The following ABCB11 variants were observed in gnomAD, a reference collection of about 807,000 sequenced individuals.
ABCB11 encodes bile salt export pump.
In ABCB11, 95 loss-of-function variants were observed where a neutral mutation model predicts 148.0. That is an observed-to-expected ratio of 0.64 (90% CI 0.54 to 0.76). The LOEUF (loss-of-function observed/expected upper bound fraction) is 0.76, where lower values mean the gene tolerates loss of function less well. Ranked by LOEUF, ABCB11 falls within the 30% of genes least tolerant of loss-of-function variation. ABCB11 has a pLI of 0.00. For missense variants in ABCB11, 1,523 were observed against 1,617.8 expected, an observed-to-expected ratio of 0.94 and a Z score of 1.01; for synonymous variants, 591 against 555.4, an observed-to-expected ratio of 1.06 and a Z score of -0.90.
intron 3 of ABCB11, among the ~76,000 whole-genome samples, chr2:169,015,682 A>T (rs1438850362): frequency 6.6e-6 from 1 of 151,976 alleles, no homozygotes; most frequent in African/African-American, 2.4e-5. Context: ...CCCCCCACGC[A>T]CCATTTCATA....
At chr2:168,934,074 G>A (rs1268046436) in intron 23 of ABCB11, among the ~76,000 whole-genome samples, 1 of 148,176 alleles carries the variant, frequency 6.7e-6, no homozygotes, top group Non-Finnish European at 1.5e-5. Context: ...TTTACATGTT[G>A]GCAAAAAAAT....
At chr2:168,931,391 G>C (rs137874479) in intron 24 of ABCB11, among the ~76,000 whole-genome samples, 5 of 152,128 alleles carry the variant, frequency 3.3e-5, no homozygotes, top group African/African-American at 1.2e-4. Flanking sequence ...TACATTTACT[G>C]AACTGAAGGA....
chr2:168,934,242 G>A (rs781255960), intron 23 of ABCB11, among the ~76,000 whole-genome samples: 1 of 152,078 alleles, frequency 6.6e-6, no homozygotes, highest in Non-Finnish European at 1.5e-5. Context: ...TCCTAGCTGG[G>A]TGGGTGTAGT....
chr2:168,985,120 A>T lies in ABCB11; in HGVS notation c.1083+990T>A, dbSNP rs544799147. 1.2e-4 allele frequency among the ~76,000 whole-genome samples: 18 copies of T among 152,078 alleles called. No individual in the cohort carries two copies. The East Asian group carries it at 3.1e-3, about 26-fold the overall frequency. Reference sequence around the variant, plus strand: ...AGACAATTCTCAGAAGAAGATACACAAATGGCCAACAAACATATGAAAAAA... The same window carrying T: ...AGACAATTCTCAGAAGAAGATACACTAATGGCCAACAAACATATGAAAAAA... On this transcript the variant is annotated intron_variant, in intron 10 of 27. Coordinates refer to ENST00000650372, the MANE Select transcript of ABCB11 (RefSeq NM_003742.4).
chr2:168,979,533 G>A (rs1694054359), intron 11 of ABCB11, among the ~76,000 whole-genome samples: 1 of 151,826 alleles, frequency 6.6e-6, no homozygotes, highest in Non-Finnish European at 1.5e-5. Context: ...AAAGAACAGG[G>A]GTCTTACTTG....
At position 168,924,670 on chromosome 2, in the gene ABCB11, G is replaced by T. The variant is rs776253248; in HGVS notation, c.3752C>A (p.Thr1251Lys). The part of the protein sequence containing the change: ...LLDEATSALD[T>K]ESEKTVQVAL... The stretch of plus-strand genomic sequence containing the variant: ...TTCAACACTTACCTTTTCACTTTCT[G>T]TGTCTAAGGCAGAAGTGGCTTCATC... The change falls in exon 27 of 28, where the codon ACA (threonine) becomes AAA (lysine). Residue 1251 changes from threonine to lysine, a missense_variant. Transcript: ENST00000650372. 6.2e-7 allele frequency: 1 copy of T among 1,612,936 alleles called. No individual in the cohort carries two copies. Among genetic ancestry groups the T allele is most frequent in the Non-Finnish European group, 8.5e-7 (1 of 1,179,624 alleles).
chr2:168,941,861 CAT>C lies in ABCB11; in HGVS notation c.2610+2742_2610+2743del. On this transcript the variant is annotated intron_variant, in intron 21 of 27. Transcript: ENST00000650372. ...GATATGTACATTGTTTATTTTTAGA[CAT>C]AAAGCTATTGCATAGTTAGTAGAAT... 2.0e-5 allele frequency among the ~76,000 whole-genome samples: 3 copies of C among 152,042 alleles called. No individual in the cohort carries two copies. In the Middle Eastern group the frequency reaches 0.01, roughly 517 times the overall value.
chr2:168,951,189 C>A (rs1692551853), intron 19 of ABCB11, among the ~76,000 whole-genome samples: 1 of 151,540 alleles, frequency 6.6e-6, no homozygotes, highest in South Asian at 2.1e-4. Flanking sequence ...AATATGATAC[C>A]TTTAGCTTTG....
At chr2:168,945,247 T>C (rs1692251910) in intron 19 of ABCB11, among the ~76,000 whole-genome samples, 1 of 151,846 alleles carries the variant, frequency 6.6e-6, no homozygotes, top group Non-Finnish European at 1.5e-5. Flanking sequence ...TCTCTGTACC[T>C]TCCTCTAATT....
intron 21 of ABCB11, among the ~76,000 whole-genome samples, chr2:168,936,901 T>C (rs535972359): frequency 6.6e-6 from 1 of 152,334 alleles, no homozygotes; most frequent in African/African-American, 2.4e-5. Context: ...TATTTTATTT[T>C]ATTTTGAGAC....
At chr2:168,918,449 A>G (rs502570), downstream of ABCB11, among the ~76,000 whole-genome samples, 113,424 of 152,144 alleles carry the variant, frequency 0.75, 43,221 homozygotes, top group East Asian at 0.95. Context: ...ACAAGCACAC[A>G]CCAAACACAG....
chr2:169,007,854 TGAGA>T (rs1695069734), intron 5 of ABCB11, among the ~76,000 whole-genome samples: 1 of 152,162 alleles, frequency 6.6e-6, no homozygotes, highest in Non-Finnish European at 1.5e-5. Context: ...ACCCAAAGAA[TGAGA>T]GAAATTGCTT....
intron 18 of ABCB11, among the ~76,000 whole-genome samples, chr2:168,963,018 T>C (rs1277770993): frequency 6.6e-6 from 1 of 151,768 alleles, no homozygotes; most frequent in Non-Finnish European, 1.5e-5. Flanking sequence ...CATACGGTCA[T>C]AAAGAGTACT....
At chr2:169,006,205 G>A (rs1002336306) in intron 5 of ABCB11, among the ~76,000 whole-genome samples, 1 of 152,126 alleles carries the variant, frequency 6.6e-6, no homozygotes, top group African/African-American at 2.4e-5. Context: ...TTATTACCTG[G>A]TGGGATTTAT....
Position 168,935,283 on chromosome 2 carries a change from G to A in ABCB11, c.2957C>T (p.Ala986Val). Residue 986 changes from alanine (A) to valine (V), a missense_variant, in exon 23 of 28, where the codon GCC becomes GTC. By Grantham distance (64) the Ala-to-Val change is moderately conservative (BLOSUM62 0). Transcript: ENST00000650372. Reference sequence around the variant, plus strand: ...AATAAACATGATGCACTGGGCAAAGGCAAAGCAGAATCCGTAAATATTGGC... The same window carrying A: ...AATAAACATGATGCACTGGGCAAAGACAAAGCAGAATCCGTAAATATTGGC... ...QKANIYGFCF[A>V]FAQCIMFIAN... The A allele has an allele frequency of 6.2e-7, 1 of 1,614,008 alleles. No individual in the cohort carries two copies. Among genetic ancestry groups the A allele is most frequent in the Non-Finnish European group, 8.5e-7 (1 of 1,179,894 alleles).
chr2:169,017,862 G>A, intron 2 of ABCB11, 188 bp downstream of exon 2: 1 of 758,256 alleles, frequency 1.3e-6, no homozygotes, highest in East Asian at 2.5e-5. Context: ...TTCTTACCTA[G>A]TGCTTTCAGA....
chr2:168,919,695 A>G (rs2105868190), downstream of ABCB11, among the ~76,000 whole-genome samples: 1 of 152,066 alleles, frequency 6.6e-6, no homozygotes, highest in African/African-American at 2.4e-5. Flanking sequence ...TGAGACCTGC[A>G]TGACTGAGAA....
intron 1 of ABCB11, among the ~76,000 whole-genome samples, chr2:169,021,151 T>C (rs977170614): frequency 6.6e-6 from 1 of 151,924 alleles, no homozygotes; most frequent in Non-Finnish European, 1.5e-5. Flanking sequence ...TTAGTAGAGA[T>C]GGAGTTTCAC....
At chr2:168,932,944 C>T (rs1293756044) in intron 23 of ABCB11, among the ~76,000 whole-genome samples, 5 of 151,990 alleles carry the variant, frequency 3.3e-5, no homozygotes, top group South Asian at 2.1e-4. Context: ...CCCGTCTCTA[C>T]TAAAAATACA....
Sources: gnomAD v4.1 joint callset for allele counts (sites outside exome capture counted in the v4.1 genomes callset) on GRCh38, gnomAD v4.1.1 for gene constraint, MANE v1.5 for transcripts, NCBI Gene and HGNC (gene_info 2026-07-23, HGNC 2026-07-21) for gene names.